Variants in GABRA3 observed in about 807,000 individuals in gnomAD.
GABRA3 encodes the protein gamma-aminobutyric acid type A receptor subunit alpha3, also known as gamma-aminobutyric acid receptor subunit alpha-3.
GABRA3 carries 10 observed loss-of-function variants against 30.1 expected under a neutral mutation model. That is an observed-to-expected ratio of 0.33 (90% CI 0.20 to 0.56). The LOEUF (loss-of-function observed/expected upper bound fraction) is 0.56, where lower values mean the gene tolerates loss of function less well. GABRA3 is among the 20% of genes least tolerant of loss of function. GABRA3 has a pLI of 0.89. For synonymous variants in GABRA3, 151 were observed against 146.8 expected, an observed-to-expected ratio of 1.03 and a Z score of -0.21; for missense variants, 233 against 392.0, an observed-to-expected ratio of 0.59 and a Z score of 3.42.
At chrX:152,296,155 A>T (rs1279836097) in intron 3 of GABRA3, among the ~76,000 whole-genome samples, 1 of 111,674 alleles carries the variant, frequency 9.0e-6, no homozygotes, top group East Asian at 2.8e-4. Context: ...GATCACTGGG[A>T]ATTTTGGTGA....
intron 3 of GABRA3, among the ~76,000 whole-genome samples, chrX:152,292,901 C>A (rs1474015944): frequency 8.9e-6 from 1 of 112,035 alleles, no homozygotes; most frequent in Non-Finnish European, 1.9e-5. Flanking sequence ...CTTGATTGCA[C>A]TGTGGTCTGA....
At chrX:152,222,757 C>T (rs1937866374) in intron 6 of GABRA3, among the ~76,000 whole-genome samples, 1 of 110,253 alleles carries the variant, frequency 9.1e-6, no homozygotes, top group Non-Finnish European at 1.9e-5. Flanking sequence ...AATCTCATAA[C>T]GGACTTGTGC....
rs1261029888 is a variant in GABRA3, at chrX:152,361,974, T to A, written c.140+2457A>T. On this transcript the variant is annotated intron_variant, in intron 2 of 9. Transcript: ENST00000370314. The stretch of plus-strand genomic sequence containing the variant: ...TTTAGAACCTTCATCTTATTTAGAA[T>A]CTATCATGGCCCAGTGAAATGAAAT... 3.6e-5 allele frequency among the ~76,000 whole-genome samples: 4 copies of A among 112,007 alleles called. No homozygotes were observed. The East Asian group carries it at 1.1e-3, about 31-fold the overall frequency.
At chrX:152,227,530 AATG>A (rs1937985516) in intron 5 of GABRA3, among the ~76,000 whole-genome samples, 1 of 106,407 alleles carries the variant, frequency 9.4e-6, no homozygotes, top group Non-Finnish European at 1.9e-5. Context: ...CTTAAAGTAT[AATG>A]ATAATAAATA....
intron 3 of GABRA3, among the ~76,000 whole-genome samples, chrX:152,297,198 G>T: frequency 9.0e-6 from 1 of 111,721 alleles, no homozygotes; most frequent in East Asian, 2.8e-4. Flanking sequence ...TTCACTGCCT[G>T]TTTCCCAAAA....
At chrX:152,341,731 G>A (rs189530451) in intron 3 of GABRA3, among the ~76,000 whole-genome samples, 4 of 108,326 alleles carry the variant, frequency 3.7e-5, no homozygotes, top group East Asian at 2.9e-4. Flanking sequence ...TCGTAGAGAC[G>A]GGGTTTCACA....
chrX:152,239,827 T>G (rs1373828420), intron 5 of GABRA3, among the ~76,000 whole-genome samples: 1 of 104,950 alleles, frequency 9.5e-6, no homozygotes, highest in Non-Finnish European at 1.9e-5. Context: ...CCCTGCCTTT[T>G]TTTGTTTTCC....
intron 3 of GABRA3, among the ~76,000 whole-genome samples, chrX:152,329,901 T>C (rs1315754147): frequency 9.0e-6 from 1 of 111,073 alleles, no homozygotes; most frequent in African/African-American, 3.3e-5. Context: ...ACCATCAGAG[T>C]GAACAGGCAA....
intron 2 of GABRA3, among the ~76,000 whole-genome samples, chrX:152,359,290 T>C (rs984378839): frequency 1.8e-5 from 2 of 111,131 alleles, no homozygotes; most frequent in African/African-American, 6.5e-5. Flanking sequence ...TCTTAGGAAG[T>C]CGCAAGTTTC....
intron 2 of GABRA3, among the ~76,000 whole-genome samples, chrX:152,361,401 C>T (rs1032287475): frequency 1.9e-5 from 2 of 108,018 alleles, no homozygotes; most frequent in Non-Finnish European, 3.8e-5. Context: ...GGTGAAACCC[C>T]ATCTCTACTA....
rs1931215958 is a variant in GABRA3 at position 152,451,245 on chromosome X, C to G, written c.-126G>C. The G allele has an allele frequency of 9.0e-6, 1 of 111,722 alleles. No homozygotes were observed. Among genetic ancestry groups the G allele is most frequent in the Non-Finnish European group, 1.9e-5 (1 of 53,077 alleles). The allele number at this position is 111,722 out of a possible 1,213,427, so 9.2% of individuals were successfully genotyped here. On this transcript the variant is annotated 5_prime_UTR_variant, in exon 1 of 10. Coordinates refer to ENST00000370314, the MANE Select transcript of GABRA3 (RefSeq NM_000808.4). ...AGCTCGGCTTCTGGCTTCTTCTTCT[C>G]TCTCTGGGTCTCTCTCCTGGTCCCT...
At chrX:152,248,747 C>G (rs1399493816) in intron 5 of GABRA3, among the ~76,000 whole-genome samples, 2 of 111,541 alleles carry the variant, frequency 1.8e-5, no homozygotes, top group Non-Finnish European at 3.8e-5. Flanking sequence ...TTCAAGTGAT[C>G]TATCATACTG....
At chrX:152,172,735 A>G (rs1937018380) in intron 9 of GABRA3, among the ~76,000 whole-genome samples, 1 of 111,865 alleles carries the variant, frequency 8.9e-6, no homozygotes, top group Admixed American at 9.5e-5. Context: ...CTTCTATGAC[A>G]TATCTAGAGT....
intron 6 of GABRA3, among the ~76,000 whole-genome samples, chrX:152,216,389 A>AAC (rs60255687): frequency 0.041 from 3,201 of 77,531 alleles, 66 homozygotes; most frequent in Non-Finnish European, 0.058. Flanking sequence ...ATAATATATA[A>AAC]ACACACACAC....
At position 152,166,712 on chromosome X, in the gene GABRA3, G is replaced by C. The variant is rs1936940879; in HGVS notation, c.*1516C>G. The C allele has an allele frequency of 9.0e-6, 1 of 110,584 alleles. No individual in the cohort carries two copies. Among genetic ancestry groups the C allele is most frequent in the Non-Finnish European group, 1.9e-5 (1 of 52,909 alleles). 9.1% of individuals were successfully genotyped at this position (110,584 alleles called of 1,213,427 possible). A position where few individuals can be genotyped will look rare whatever the true frequency, so the allele number is the denominator to read the frequency against. ...CTCTTGGGCTGAGACTATTAAAAGT[G>C]ATCTTCTTGGGTGACACATTGTGAC... On this transcript the variant is annotated 3_prime_UTR_variant, in exon 10 of 10. Coordinates refer to ENST00000370314, the MANE Select transcript of GABRA3 (RefSeq NM_000808.4).
At chrX:152,401,674 T>A (rs969652620) in intron 1 of GABRA3, among the ~76,000 whole-genome samples, 2 of 111,871 alleles carry the variant, frequency 1.8e-5, no homozygotes, top group Admixed American at 9.5e-5. Context: ...AAAATTCAGT[T>A]ATACTATTGG....
At chrX:152,342,114 G>A (rs539604740) in intron 3 of GABRA3, among the ~76,000 whole-genome samples, 13 of 111,610 alleles carry the variant, frequency 1.2e-4, no homozygotes, top group African/African-American at 3.6e-4. Flanking sequence ...CTCGTGATCC[G>A]CCCACCTCAG....
At chrX:152,283,581 T>TCC (rs1364831159) in intron 4 of GABRA3, among the ~76,000 whole-genome samples, 5 of 111,790 alleles carry the variant, frequency 4.5e-5, no homozygotes, top group African/African-American at 1.6e-4. Context: ...CCCTTTGTAC[T>TCC]CCATCCTGCA....
At chrX:152,414,125 A>G (rs1171976317) in intron 1 of GABRA3, among the ~76,000 whole-genome samples, 1 of 111,671 alleles carries the variant, frequency 9.0e-6, no homozygotes, top group East Asian at 2.8e-4. Context: ...TCATTCTTGG[A>G]CATTCATCCC....
Sources: allele counts gnomAD v4.1 joint callset (sites outside exome capture counted in the v4.1 genomes callset), GRCh38; gene constraint gnomAD v4.1.1; transcripts MANE v1.5; gene names NCBI Gene and HGNC (gene_info 2026-07-23, HGNC 2026-07-21).